SI: variants seen among roughly 807,000 people sequenced by gnomAD.
SI encodes the protein sucrase-isomaltase, intestinal.
Under a neutral mutation model 253.3 loss-of-function variants are expected in SI, and 235 were observed. That is an observed-to-expected ratio of 0.93 (90% CI 0.83 to 1.03). The LOEUF (loss-of-function observed/expected upper bound fraction) is 1.03, where lower values mean the gene tolerates loss of function less well. Among genes scored for constraint, SI ranks in the 50% least tolerant of loss-of-function variants. The pLI, the probability that SI is intolerant of heterozygous loss-of-function variation, is 0.00. For missense variants in SI, 2,442 were observed against 2,211.1 expected (o/e 1.10, Z -2.09); for synonymous variants, 819 against 712.0 (o/e 1.15, Z -2.39).
rs1712788720 is a variant in SI, at chr3:165,040,933, T to C, written c.2159+7A>G. The C allele has an allele frequency of 1.3e-6, 2 of 1,599,334 alleles. No homozygotes were observed. The highest frequency in any genetic ancestry group is 1.7e-6 in the Non-Finnish European group (2 of 1,167,120). On this transcript the variant is annotated splice_region_variant and intron_variant, in intron 18 of 47. Coordinates refer to ENST00000264382, the MANE Select transcript of SI (RefSeq NM_001041.4). ...GTATTATTATAATTATTGTACGTAG[T>C]ACTCACTCATGAAGAACTGGTCTTG...
intron 32 of SI, among the ~76,000 whole-genome samples, chr3:165,015,515 A>G (rs547752128): frequency 1.4e-4 from 22 of 152,234 alleles, no homozygotes; most frequent in Non-Finnish European, 2.5e-4. Context: ...CTGGCTAACT[A>G]GCTTACTTCC....
At chr3:164,980,756 T>C (rs1717146363) in intron 47 of SI, among the ~76,000 whole-genome samples, 1 of 152,048 alleles carries the variant, frequency 6.6e-6, no homozygotes, top group African/African-American at 2.4e-5. Context: ...GCTACATATT[T>C]GATCAAAACG....
intron 34 of SI, among the ~76,000 whole-genome samples, chr3:165,012,138 T>C (rs898241534): frequency 6.6e-6 from 1 of 152,154 alleles, no homozygotes; most frequent in Non-Finnish European, 1.5e-5. Context: ...AATAAACCAG[T>C]AACAGAAAGA....
chr3:164,982,950 T>G, intron 46 of SI, 52 bp downstream of exon 46: 1 of 1,521,672 alleles, frequency 6.6e-7, no homozygotes, highest in Non-Finnish European at 9.0e-7. Flanking sequence ...CCCACCCAGC[T>G]GTGAACTTCA....
chr3:165,056,798 C>T (rs1040319175), intron 12 of SI, among the ~76,000 whole-genome samples: 2 of 152,114 alleles, frequency 1.3e-5, no homozygotes, highest in South Asian at 4.1e-4. Flanking sequence ...GATACAGCTG[C>T]AGTTAACAAA....
At chr3:165,067,936 G>A (rs1410124396) in intron 5 of SI, among the ~76,000 whole-genome samples, 1 of 151,636 alleles carries the variant, frequency 6.6e-6, no homozygotes, top group Non-Finnish European at 1.5e-5. Context: ...CTGAAATAAA[G>A]CAGAATCACT....
In SI at chr3:164,982,470, T is replaced by C. The variant is rs1717238296; in HGVS notation, c.5248-60A>G. The C allele has an allele frequency of 3.8e-6, 5 of 1,302,076 alleles. No homozygotes were observed. The Admixed American group carries it at 7.1e-5, about 18-fold the overall frequency. The allele number at this position is 1,302,076 out of a possible 1,614,324, so 80.7% of individuals were successfully genotyped here. A position where few individuals can be genotyped will look rare whatever the true frequency, so the allele number is the denominator to read the frequency against. Reference sequence around the variant, plus strand: ...TTATTTGCAAAAGCAATTAAAACTTTAAAAATATGTCGGTTAACCAAAAAT... The same window carrying C: ...TTATTTGCAAAAGCAATTAAAACTTCAAAAATATGTCGGTTAACCAAAAAT... On this transcript the variant is annotated intron_variant, in intron 46 of 47. Transcript: ENST00000264382.
At position 165,015,235 on chromosome 3, in the gene SI, TA is replaced by T. The variant is rs754419481; in HGVS notation, c.3889-3del. 2 of 1,599,494 alleles carry T rather than the reference TA, an allele frequency of 1.3e-6. No individual in the cohort carries two copies. The highest frequency in any genetic ancestry group is 1.7e-6 in the Non-Finnish European group (2 of 1,167,024). On this transcript the variant is annotated splice_polypyrimidine_tract_variant and splice_region_variant and intron_variant, in intron 32 of 47. Transcript: ENST00000264382. ...TTCATTTCCTGAAATTGCTGGATCCTAAAATTAAAATGAAATATAAACAAGG... is the reference window on the plus strand; with the variant it reads ...TTCATTTCCTGAAATTGCTGGATCCTAAATTAAAATGAAATATAAACAAGG...
chr3:165,003,689 C>T (rs1356767900), intron 37 of SI, among the ~76,000 whole-genome samples: 2 of 152,006 alleles, frequency 1.3e-5, no homozygotes, highest in Non-Finnish European at 2.9e-5. Context: ...CCTGTCTGCT[C>T]ATTAGAACTG....
intron 38 of SI, among the ~76,000 whole-genome samples, chr3:164,997,879 G>T (rs376536583): frequency 1.3e-5 from 2 of 151,794 alleles, no homozygotes; most frequent in Admixed American, 6.6e-5. Flanking sequence ...TCTTTATTCA[G>T]TCTACCATTC....
At chr3:165,004,978 A>T (rs764337531) in intron 37 of SI, among the ~76,000 whole-genome samples, 13 of 152,056 alleles carry the variant, frequency 8.5e-5, no homozygotes, top group Admixed American at 2.0e-4. Context: ...GTTAGTTCTC[A>T]TGAGAGCTGA....
intron 26 of SI, among the ~76,000 whole-genome samples, chr3:165,022,923 A>T (rs1018969648): frequency 4.6e-5 from 7 of 151,550 alleles, no homozygotes; most frequent in Admixed American, 4.0e-4. Context: ...GAACATTTTT[A>T]ATAGTTTTTC....
chr3:165,037,357 A>G (rs1712585645), intron 21 of SI, among the ~76,000 whole-genome samples: 2 of 152,084 alleles, frequency 1.3e-5, no homozygotes, highest in South Asian at 4.1e-4. Context: ...TTGTACTCAG[A>G]ATGAATATGT....
At chr3:165,077,920 A>T (rs925870170) in intron 1 of SI, among the ~76,000 whole-genome samples, 9 of 150,922 alleles carry the variant, frequency 6.0e-5, no homozygotes, top group Non-Finnish European at 1.0e-4. Flanking sequence ...ATTTTAAGCA[A>T]CTCTTCTTGG....
In SI at chr3:165,000,802, T is replaced by C. The variant is rs1328350577; in HGVS notation, c.4407-2129A>G. The stretch of plus-strand genomic sequence containing the variant: ...CAATTAACTTAGTTTAAGTTATTCT[T>C]GAGAAACAGCTTTAAGCCAGAAGAG... On this transcript the variant is annotated intron_variant, in intron 37 of 47. Transcript: ENST00000264382. 4.0e-5 allele frequency among the ~76,000 whole-genome samples: 6 copies of C among 151,560 alleles called. No individual in the cohort carries two copies. The South Asian group carries it at 1.0e-3, about 26-fold the overall frequency.
chr3:165,038,484 C>T (rs944454955), intron 20 of SI, among the ~76,000 whole-genome samples: 12 of 149,752 alleles, frequency 8.0e-5, no homozygotes, highest in African/African-American at 1.7e-4. Flanking sequence ...CCATGGCGGG[C>T]GGATCACAAG....
chr3:164,991,586 T>C, intron 43 of SI, 109 bp from the exon 44 acceptor site: 1 of 1,182,678 alleles, frequency 8.5e-7, no homozygotes, highest in Non-Finnish European at 1.2e-6. Context: ...CACTTTTAGA[T>C]TAAAAAATTC....
Position 165,030,749 on chromosome 3 carries a change from T to A in SI, c.2855A>T (p.Glu952Val). 6.2e-7 allele frequency: 1 copy of A among 1,609,378 alleles called. No individual in the cohort carries two copies. The highest frequency in any genetic ancestry group is 8.5e-7 in the Non-Finnish European group (1 of 1,177,002). ...NCYPDADLAT[E>V]QKCTQRGCVW... Reference sequence around the variant, plus strand: ...ACAGCCACGTTGTGTGCACTTTTGTTCAGTTGCCAAATCTGCATCTGGATA... The same window carrying A: ...ACAGCCACGTTGTGTGCACTTTTGTACAGTTGCCAAATCTGCATCTGGATA... Residue 952 changes from glutamate to valine, a missense_variant, in exon 25 of 48, where the codon GAA (glutamate) becomes GTA (valine). Physicochemically the swap from Glu to Val is moderately radical, Grantham distance 121 (BLOSUM62 -2). Transcript: ENST00000264382.
Position 165,055,311 on chromosome 3 carries a change from G to A in SI, c.1399-4C>T. On this transcript the variant is annotated splice_region_variant and splice_polypyrimidine_tract_variant and intron_variant, in intron 12 of 47. Transcript: ENST00000264382. ...ATACTGTTAATCCTGGCCATACCTA[G>A]AAGAATAGATCATTCACATATATAC... is the stretch of plus-strand genomic sequence containing the variant. 6.9e-7 allele frequency: 1 copy of A among 1,445,018 alleles called. No individual in the cohort carries two copies. The highest frequency in any genetic ancestry group is 1.1e-5 in the South Asian group (1 of 87,774). The allele number at this position is 1,445,018 out of a possible 1,614,324, so 89.5% of individuals were successfully genotyped here.
Sources: allele counts gnomAD v4.1 joint callset (sites outside exome capture counted in the v4.1 genomes callset), GRCh38; gene constraint gnomAD v4.1.1; transcripts MANE v1.5; gene names NCBI Gene and HGNC (gene_info 2026-07-23, HGNC 2026-07-21).